ZNF516: variants seen among roughly 807,000 people sequenced by gnomAD.
The protein encoded by ZNF516 is zinc finger protein 516.
Under a neutral mutation model 79.7 loss-of-function variants are expected in ZNF516, and 19 were observed. The ratio of observed to expected loss-of-function variants is 0.24; its 90% CI spans 0.17 to 0.35. The LOEUF (loss-of-function observed/expected upper bound fraction) is 0.35, where lower values mean the gene tolerates loss of function less well. Among genes scored for constraint, ZNF516 ranks in the 10% least tolerant of loss-of-function variants. The pLI, the probability that ZNF516 is intolerant of heterozygous loss-of-function variation, is 1.00. For synonymous variants in ZNF516, 877 were observed against 739.5 expected (o/e 1.19, Z -3.02); for missense variants, 1,678 against 1,679.5 (o/e 1.00, Z 0.02).
At chr18:76,462,963 G>T (rs1005092637) in intron 2 of ZNF516, 65 bp downstream of exon 2, 1 of 152,202 alleles carries the variant, frequency 6.6e-6, no homozygotes, top group East Asian at 1.9e-4. Flanking sequence ...AAGCTTGATT[G>T]AAATTCCAGG....
At chr18:76,457,160 G>A (rs1333903332) in intron 2 of ZNF516, among the ~76,000 whole-genome samples, 2 of 152,252 alleles carry the variant, frequency 1.3e-5, no homozygotes, top group Non-Finnish European at 2.9e-5. Flanking sequence ...CCACATGTAT[G>A]TGGCAAAGAA....
At chr18:76,391,216 A>G (rs2075069228) in intron 3 of ZNF516, among the ~76,000 whole-genome samples, 1 of 152,168 alleles carries the variant, frequency 6.6e-6, no homozygotes, top group South Asian at 2.1e-4. Context: ...AGTAAGTGTG[A>G]GCGTAAGGGC....
Position 76,486,021 on chromosome 18 carries a change from C to T in ZNF516, c.-272+9123G>A, listed in dbSNP as rs115895940. Among the ~76,000 whole-genome samples, 897 of 152,226 alleles carry T rather than the reference C, an allele frequency of 5.9e-3. 11 individuals are homozygous for T. The highest frequency in any genetic ancestry group is 0.021 in the African/African-American group (861 of 41,530). On this transcript the variant is annotated intron_variant, in intron 1 of 6. Coordinates refer to ENST00000443185, the MANE Select transcript of ZNF516 (RefSeq NM_014643.4). The stretch of plus-strand genomic sequence containing the variant: ...TCTTTCTGACCTGCCCAACTCTTAG[C>T]CTTATTTGTGACCCCCAGAAGTCTT...
chr18:76,427,330 C>T (rs1303609997), intron 3 of ZNF516, among the ~76,000 whole-genome samples: 1 of 152,122 alleles, frequency 6.6e-6, no homozygotes, highest in African/African-American at 2.4e-5. Context: ...ATATGAAATA[C>T]AGATAAAGCA....
intron 1 of ZNF516, among the ~76,000 whole-genome samples, chr18:76,494,225 G>A: frequency 6.6e-6 from 1 of 152,194 alleles, no homozygotes; most frequent in Non-Finnish European, 1.5e-5. Flanking sequence ...ACTTGAGGCG[G>A]TTTAATCTAA....
chr18:76,442,239 G>A lies in ZNF516; in HGVS notation c.816C>T (p.Gly272=), dbSNP rs777203611. ...AGATGTGGCAGCCGTGGTCGAAGGA[G>A]CCCCGGTGCTTCTTCATGTGCGCCT... The part of the protein sequence containing the change: ...FLKAHMKKHR[G]SFDHGCHICG... Residue 272 remains glycine, a synonymous_variant, in exon 3 of 7, where the codon GGC becomes GGT. Transcript: ENST00000443185. The A allele has an allele frequency of 5.6e-6, 9 of 1,613,654 alleles. No individual in the cohort carries two copies. Among genetic ancestry groups the A allele is most frequent in the Non-Finnish European group, 5.9e-6 (7 of 1,179,864 alleles).
intron 2 of ZNF516, among the ~76,000 whole-genome samples, chr18:76,452,881 T>C (rs1302372172): frequency 6.6e-6 from 1 of 152,166 alleles, no homozygotes; most frequent in African/African-American, 2.4e-5. Context: ...CTTTCCACAG[T>C]CCTTACCATA....
At chr18:76,426,062 G>C (rs111292322) in intron 3 of ZNF516, among the ~76,000 whole-genome samples, 2 of 152,250 alleles carry the variant, frequency 1.3e-5, no homozygotes, top group African/African-American at 4.8e-5. Flanking sequence ...AGCTATGTTA[G>C]AAAATGCCAG....
chr18:76,483,937 G>A (rs958310758), intron 1 of ZNF516, among the ~76,000 whole-genome samples: 33 of 152,220 alleles, frequency 2.2e-4, no homozygotes, highest in African/African-American at 5.5e-4. Flanking sequence ...CAACTCGCAC[G>A]ACATCCCCGT....
chr18:76,469,246 A>G (rs995171823), intron 1 of ZNF516, among the ~76,000 whole-genome samples: 2 of 152,240 alleles, frequency 1.3e-5, no homozygotes, highest in Non-Finnish European at 2.9e-5. Context: ...TGAAATCACC[A>G]GTCCAAAATT....
chr18:76,441,521 C>T lies in ZNF516; in HGVS notation c.1534G>A (p.Gly512Ser), dbSNP rs2075821403. ...CACTCGAAGCACTCGGAGGACTTGC[C>T]CTGGCCGGTGGTGGCTGCGGCCCTG... is the stretch of plus-strand genomic sequence containing the variant. ...NRRAAATTGQGKSSECFECGK... is the reference protein window; with the variant it reads ...NRRAAATTGQSKSSECFECGK... Residue 512 changes from glycine to serine, a missense_variant, in exon 3 of 7, where the codon GGC becomes AGC. Around this residue, in one of 5 missense-constraint regions of ZNF516, gnomAD observed 1,294 missense variants for 1,248.3 expected, o/e 1.04. Transcript: ENST00000443185. 2 of 1,583,422 alleles carry T rather than the reference C, an allele frequency of 1.3e-6. No individual in the cohort carries two copies. The highest frequency in any genetic ancestry group is 1.7e-6 in the Non-Finnish European group (2 of 1,166,838).
At chr18:76,398,497 C>G (rs1359649708) in intron 3 of ZNF516, among the ~76,000 whole-genome samples, 1 of 152,016 alleles carries the variant, frequency 6.6e-6, no homozygotes, top group Non-Finnish European at 1.5e-5. Flanking sequence ...AGAATGGTGG[C>G]GGGGACTGTC....
intron 1 of ZNF516, among the ~76,000 whole-genome samples, chr18:76,469,089 T>A (rs1308534484): frequency 6.6e-6 from 1 of 152,210 alleles, no homozygotes; most frequent in Admixed American, 6.5e-5. Context: ...TGTAATGAAG[T>A]CATGATGTTT....
intron 6 of ZNF516, among the ~76,000 whole-genome samples, chr18:76,367,697 G>T (rs375298409): frequency 2.0e-5 from 3 of 152,194 alleles, no homozygotes; most frequent in African/African-American, 7.2e-5. Flanking sequence ...GCCTTGCTCT[G>T]CCCTACTTCC....
rs371948837 is a variant in ZNF516, at chr18:76,371,461, C to T, written c.3364+6G>A. 1.8e-3 allele frequency: 2,944 copies of T among 1,603,310 alleles called. 3 individuals carry two copies. Among genetic ancestry groups the T allele is most frequent in the Non-Finnish European group, 2.3e-3 (2,690 of 1,178,792 alleles). ...CCTTGGGGATAGCTGGGCGGGAGGG[C>T]GATACCTGAGTGTGCCCGCATGTGG... On this transcript the variant is annotated splice_donor_region_variant and intron_variant, in intron 5 of 6. Coordinates refer to ENST00000443185, the MANE Select transcript of ZNF516 (RefSeq NM_014643.4).
At position 76,443,102 on chromosome 18, in the gene ZNF516, C is replaced by A. The variant is rs910488109; in HGVS notation, c.-48G>T. 2 of 1,529,352 alleles carry A rather than the reference C, an allele frequency of 1.3e-6. No homozygotes were observed. The highest frequency in any genetic ancestry group is 1.7e-6 in the Non-Finnish European group (2 of 1,145,874). 94.7% of individuals were successfully genotyped at this position (1,529,352 alleles called of 1,614,324 possible). On this transcript the variant is annotated 5_prime_UTR_variant, in exon 3 of 7. Coordinates refer to ENST00000443185, the MANE Select transcript of ZNF516 (RefSeq NM_014643.4). The stretch of plus-strand genomic sequence containing the variant: ...GGTGGCGGCACAGCTTTCTGTCGCG[C>A]GGGCTGCAGGGACCGTCCTATCTCT...
chr18:76,490,300 G>A, intron 1 of ZNF516: 1 of 599,326 alleles, frequency 1.7e-6, no homozygotes, highest in Non-Finnish European at 2.1e-6. Flanking sequence ...GGGGGGCGAG[G>A]GGTTCTCAGA....
chr18:76,411,757 C>T (rs189216206), intron 3 of ZNF516, among the ~76,000 whole-genome samples: 370 of 152,228 alleles, frequency 2.4e-3, no homozygotes, highest in Non-Finnish European at 4.4e-3. Flanking sequence ...TTTTCATCCA[C>T]AAAATGAGGA....
chr18:76,489,556 G>A (rs1169948936), intron 1 of ZNF516, among the ~76,000 whole-genome samples: 2 of 136,398 alleles, frequency 1.5e-5, no homozygotes, highest in Non-Finnish European at 3.0e-5. Flanking sequence ...ATTCCCTTCA[G>A]TCAATTTTGG....
Sources: allele counts gnomAD v4.1 joint callset (sites outside exome capture counted in the v4.1 genomes callset), GRCh38; gene constraint gnomAD v4.1.1; regional missense constraint gnomAD v4.1.1; transcripts MANE v1.5; gene names NCBI Gene and HGNC (gene_info 2026-07-23, HGNC 2026-07-21).